COG2: variants seen among roughly 807,000 people sequenced by gnomAD.
COG2 encodes the protein component of oligomeric golgi complex 2.
In COG2, 52 loss-of-function variants were observed where a neutral mutation model predicts 90.6. That is an observed-to-expected ratio of 0.57 (90% CI 0.46 to 0.72). COG2 has a LOEUF of 0.72. COG2 is among the 30% of genes least tolerant of loss of function. The probability of loss-of-function intolerance (pLI) is 0.00; values close to 1 mark genes in which losing one functional copy is unlikely to be tolerated. For missense variants in COG2, 829 were observed against 891.2 expected (o/e 0.93, Z 0.89); for synonymous variants, 337 against 320.4 (o/e 1.05, Z -0.55).
chr1:230,671,746 A>ATC, intron 8 of COG2, 106 bp downstream of exon 8: 1 of 1,010,916 alleles, frequency 9.9e-7, no homozygotes, highest in South Asian at 1.6e-5. Context: ...ACTGTCTTGT[A>ATC]TGAATCCATT....
At position 230,678,931 on chromosome 1, in the gene COG2, G is replaced by C. The variant is rs760695498; in HGVS notation, c.1045G>C (p.Asp349His). 1.9e-6 allele frequency: 3 copies of C among 1,612,416 alleles called. No homozygotes were observed. In the African/African-American group the frequency reaches 4.0e-5, roughly 22 times the overall value. The change falls in exon 10 of 18, where the codon GAT becomes CAT. Residue 349 changes from aspartate (D) to histidine (H), a missense_variant. By Grantham distance (81) the Asp-to-His change is moderately conservative. Coordinates refer to ENST00000366669, the MANE Select transcript of COG2 (RefSeq NM_007357.3). ...ATTTTAGAAATATACCATAAGTATG[G>C]ATTTTGTCAGAAGATTGGAACGGCA... ...AFHEKYTISM[D>H]FVRRLERQCG...
chr1:230,672,409 C>A (rs1167432505), intron 8 of COG2, among the ~76,000 whole-genome samples: 1 of 152,204 alleles, frequency 6.6e-6, no homozygotes, highest in East Asian at 1.9e-4. Flanking sequence ...AGCTGCCTTT[C>A]CCCAGCTCCC....
intron 1 of COG2, among the ~76,000 whole-genome samples, chr1:230,651,230 A>G (rs1661907346): frequency 6.6e-6 from 1 of 152,076 alleles, no homozygotes; most frequent in Non-Finnish European, 1.5e-5. Flanking sequence ...CTGCTGCAGT[A>G]GCCGATGATT....
intron 3 of COG2, among the ~76,000 whole-genome samples, chr1:230,662,868 G>A (rs1662217179): frequency 6.6e-6 from 1 of 151,948 alleles, no homozygotes; most frequent in Non-Finnish European, 1.5e-5. Context: ...TTTGACTCAG[G>A]TTATCCTTTC....
intron 1 of COG2, among the ~76,000 whole-genome samples, chr1:230,650,569 G>A (rs116792575): frequency 3.3e-3 from 506 of 151,926 alleles, no homozygotes; most frequent in Non-Finnish European, 5.9e-3. Context: ...TTTTCTTGTT[G>A]ATTTAAGTTC....
intron 1 of COG2, among the ~76,000 whole-genome samples, chr1:230,648,140 A>G (rs770643323): frequency 2.0e-5 from 3 of 152,276 alleles, no homozygotes; most frequent in African/African-American, 4.8e-5. Context: ...AAAATGTCAC[A>G]TAGTCCCTAT....
chr1:230,690,026 A>G lies in COG2; in HGVS notation c.1807A>G (p.Thr603Ala), dbSNP rs781779594. Residue 603 changes from threonine (T) to alanine (A), a missense_variant, in exon 16 of 18, where the codon ACA (threonine) becomes GCA (alanine). Physicochemically the swap from Thr to Ala is moderately conservative, Grantham distance 58. Transcript: ENST00000366669. ...YRRTNKEVPT[T>A]ASSYVDSALK... is the part of the protein sequence containing the mutation. ...ATCATCATTCCAGGAGGTCCCAACCACAGCTTCCTCCTATGTGGACAGTGC... is the reference window on the plus strand; with the variant it reads ...ATCATCATTCCAGGAGGTCCCAACCGCAGCTTCCTCCTATGTGGACAGTGC... 6.3e-7 allele frequency: 1 copy of G among 1,595,904 alleles called. No homozygotes were observed. The highest frequency in any genetic ancestry group is 2.3e-5 in the East Asian group (1 of 44,034).
chr1:230,692,613 T>C (rs2478536), intron 17 of COG2, among the ~76,000 whole-genome samples: 72,932 of 151,936 alleles, frequency 0.48, 19,900 homozygotes, highest in Non-Finnish European at 0.63. Context: ...GAGAGTGGGA[T>C]AGGGAACTAA....
chr1:230,681,734 C>A (rs61828616), intron 10 of COG2: 20 of 151,952 alleles, frequency 1.3e-4, no homozygotes, highest in Admixed American at 1.2e-3. Flanking sequence ...CAGAGGTTCC[C>A]TCTCACTTTT....
At chr1:230,656,855 G>A (rs1264502991) in intron 1 of COG2, among the ~76,000 whole-genome samples, 3 of 152,058 alleles carry the variant, frequency 2.0e-5, no homozygotes, top group Non-Finnish European at 4.4e-5. Context: ...GATCTTTGTT[G>A]GTTTAAAGTC....
chr1:230,685,017 C>CAGATT, intron 11 of COG2, 68 bp from the exon 12 acceptor site: 1 of 1,527,974 alleles, frequency 6.5e-7, no homozygotes, highest in Non-Finnish European at 8.9e-7. Context: ...TCGGAAGTCT[C>CAGATT]ACATTAGACT....
At chr1:230,688,863 C>T (rs1223626038) in intron 15 of COG2, among the ~76,000 whole-genome samples, 1 of 152,158 alleles carries the variant, frequency 6.6e-6, no homozygotes, top group Admixed American at 6.5e-5. Flanking sequence ...ATTTTAATAA[C>T]ATTTTAAAGT....
intron 1 of COG2, among the ~76,000 whole-genome samples, chr1:230,650,096 C>T (rs1055369992): frequency 1.2e-4 from 19 of 152,254 alleles, no homozygotes; most frequent in African/African-American, 4.6e-4. Context: ...ATAAATGCAC[C>T]ACATTTTCTT....
intron 9 of COG2, among the ~76,000 whole-genome samples, chr1:230,675,886 C>T (rs1199832073): frequency 6.6e-6 from 1 of 152,096 alleles, no homozygotes; most frequent in East Asian, 1.9e-4. Flanking sequence ...AACTCCTAGC[C>T]TCATGCACTC....
chr1:230,646,536 T>C (rs1661780794), intron 1 of COG2, among the ~76,000 whole-genome samples: 1 of 152,156 alleles, frequency 6.6e-6, no homozygotes, highest in Non-Finnish European at 1.5e-5. Flanking sequence ...ACCCACTTCA[T>C]GCAGCTTCAA....
chr1:230,664,553 A>G lies in COG2; in HGVS notation c.451A>G (p.Ser151Gly), dbSNP rs1257270665. 1.3e-6 allele frequency: 2 copies of G among 1,579,414 alleles called. No individual in the cohort carries two copies. Among genetic ancestry groups the G allele is most frequent in the South Asian group, 2.3e-5 (2 of 86,408 alleles). The change falls in exon 5 of 18, where the codon AGT (serine) becomes GGT (glycine). Residue 151 changes from serine to glycine, a missense_variant. Transcript: ENST00000366669. ...AATTGAAAAAATCTTAAACTCTCAA[A>G]GTTCTAAAGAAACCTCTGCACTAGA... ...EKIEKILNSQ[S>G]SKETSALEAS... is the part of the protein sequence containing the mutation.
At chr1:230,680,940 G>A (rs1406521260) in intron 10 of COG2, 1 of 152,100 alleles carries the variant, frequency 6.6e-6, no homozygotes, top group Non-Finnish European at 1.5e-5. Flanking sequence ...GTGATGGTTG[G>A]ACATTTCCTA....
At chr1:230,655,732 C>A (rs936786475) in intron 1 of COG2, among the ~76,000 whole-genome samples, 7 of 152,126 alleles carry the variant, frequency 4.6e-5, no homozygotes, top group African/African-American at 1.7e-4. Flanking sequence ...TGGTCCTGGA[C>A]TTTTTTTGGT....
Position 230,668,538 on chromosome 1 carries a change from C to T in COG2, c.486-138C>T, listed in dbSNP as rs573101648. The T allele has an allele frequency of 7.0e-6, 4 of 569,640 alleles. No homozygotes were observed. In the East Asian group the frequency reaches 1.2e-4, roughly 17 times the overall value. 35.3% of individuals were successfully genotyped at this position (569,640 alleles called of 1,614,324 possible). A position where few individuals can be genotyped will look rare whatever the true frequency, so the allele number is the denominator to read the frequency against. On this transcript the variant is annotated intron_variant, in intron 5 of 17. Coordinates refer to ENST00000366669, the MANE Select transcript of COG2 (RefSeq NM_007357.3). ...AGACGCTTTAGCTTTCACCTTGTAA[C>T]AAGGTGGCCACATAAAACACTCTGA...
Sources: gnomAD v4.1 joint callset for allele counts (sites outside exome capture counted in the v4.1 genomes callset) on GRCh38, gnomAD v4.1.1 for gene constraint, MANE v1.5 for transcripts, NCBI Gene and HGNC (gene_info 2026-07-23, HGNC 2026-07-21) for gene names.